KIAA1328: variants seen among roughly 807,000 people sequenced by gnomAD.
KIAA1328 encodes KIAA1328.
A neutral mutation model predicts 68.1 loss-of-function variants in KIAA1328; 52 were observed. The observed-to-expected ratio is 0.76, with a 90% CI of 0.61 to 0.96. The LOEUF is 0.96. KIAA1328 is among the 40% of genes least tolerant of loss of function. The pLI, the probability that KIAA1328 is intolerant of heterozygous loss-of-function variation, is 0.00. For missense variants in KIAA1328, 641 were observed against 677.6 expected (o/e 0.95, Z 0.60); for synonymous variants, 232 against 239.4 (o/e 0.97, Z 0.28).
chr18:37,096,993 G>A (rs1049007606), intron 7 of KIAA1328, among the ~76,000 whole-genome samples: 1 of 151,936 alleles, frequency 6.6e-6, no homozygotes, highest in Non-Finnish European at 1.5e-5. Flanking sequence ...CAGATGAGTA[G>A]ATTGCAAAAA....
At chr18:36,987,864 A>G (rs748999951) in intron 6 of KIAA1328, among the ~76,000 whole-genome samples, 2 of 151,918 alleles carry the variant, frequency 1.3e-5, no homozygotes, top group African/African-American at 2.4e-5. Context: ...AAAGAACTGC[A>G]TATTTTTTCT....
At chr18:36,997,739 C>G (rs2053444553) in intron 6 of KIAA1328, among the ~76,000 whole-genome samples, 1 of 152,130 alleles carries the variant, frequency 6.6e-6, no homozygotes. Flanking sequence ...CTCCTGTAGC[C>G]AGGGCTGTAA....
chr18:37,021,680 G>A (rs1568301562), intron 6 of KIAA1328, among the ~76,000 whole-genome samples: 1 of 151,946 alleles, frequency 6.6e-6, no homozygotes, highest in Non-Finnish European at 1.5e-5. Flanking sequence ...CTCCTCTCTT[G>A]GCTTTGGAAC....
chr18:36,967,462 T>G (rs2051989524), intron 6 of KIAA1328, among the ~76,000 whole-genome samples: 1 of 152,212 alleles, frequency 6.6e-6, no homozygotes, highest in Non-Finnish European at 1.5e-5. Context: ...CCTAGTTGAG[T>G]TGGTCTGGCC....
chr18:37,134,480 A>G (rs569253214), intron 7 of KIAA1328, among the ~76,000 whole-genome samples: 45 of 152,306 alleles, frequency 3.0e-4, no homozygotes, highest in African/African-American at 9.9e-4. Flanking sequence ...TTCCTACAAA[A>G]AAAACTTAGA....
chr18:37,167,023 T>C (rs1486485434), intron 8 of KIAA1328, among the ~76,000 whole-genome samples: 1 of 152,156 alleles, frequency 6.6e-6, no homozygotes. Context: ...TCTCAGACTC[T>C]TCCAAAAAAT....
chr18:36,891,430 A>G (rs544929420), intron 5 of KIAA1328, among the ~76,000 whole-genome samples: 27 of 152,256 alleles, frequency 1.8e-4, no homozygotes, highest in Admixed American at 4.6e-4. Context: ...TGTACCCAGT[A>G]TGTAGTCTTT....
chr18:36,987,493 AAT>A (rs2052983490), intron 6 of KIAA1328, among the ~76,000 whole-genome samples: 7 of 61,096 alleles, frequency 1.1e-4, no homozygotes, highest in Middle Eastern at 0.011. Flanking sequence ...AATAAAAAAA[AAT>A]AAATAAATAA....
intron 6 of KIAA1328, among the ~76,000 whole-genome samples, chr18:37,065,930 A>C (rs939532851): frequency 6.6e-6 from 1 of 152,188 alleles, no homozygotes; most frequent in Non-Finnish European, 1.5e-5. Context: ...TTCCCAGGCC[A>C]AGCTCAACAG....
chr18:37,145,332 T>C (rs1046266098), intron 7 of KIAA1328, among the ~76,000 whole-genome samples: 2 of 152,234 alleles, frequency 1.3e-5, no homozygotes, highest in Non-Finnish European at 2.9e-5. Context: ...TAAGTTTTTA[T>C]TCTTTAGAAA....
At chr18:37,211,705 G>T (rs2060319414) in intron 9 of KIAA1328, among the ~76,000 whole-genome samples, 2 of 152,104 alleles carry the variant, frequency 1.3e-5, no homozygotes, top group African/African-American at 2.4e-5. Context: ...CTATAGTTTG[G>T]TGGGTCATTA....
chr18:36,973,241 G>T (rs886578217), intron 6 of KIAA1328, among the ~76,000 whole-genome samples: 1 of 151,650 alleles, frequency 6.6e-6, no homozygotes, highest in Non-Finnish European at 1.5e-5. Context: ...ACCAAACTCC[G>T]CATGTTCTCA....
chr18:37,079,078 C>G (rs1487996611), intron 7 of KIAA1328, among the ~76,000 whole-genome samples: 4 of 149,954 alleles, frequency 2.7e-5, no homozygotes, highest in African/African-American at 1.0e-4. Flanking sequence ...TTGGAACCAA[C>G]CCAAATGTCC....
chr18:36,869,690 C>A (rs1216566900), intron 4 of KIAA1328, among the ~76,000 whole-genome samples: 1 of 151,918 alleles, frequency 6.6e-6, no homozygotes, highest in Non-Finnish European at 1.5e-5. Flanking sequence ...GCTTCTTAGA[C>A]CTGAAATGAA....
intron 6 of KIAA1328, among the ~76,000 whole-genome samples, chr18:37,010,323 G>A (rs774737332): frequency 5.0e-4 from 75 of 151,454 alleles, no homozygotes; most frequent in Non-Finnish European, 7.5e-4. Context: ...GGCACCTGTA[G>A]TCCCAGCTAC....
At chr18:37,025,184 A>G (rs1416504125) in intron 6 of KIAA1328, among the ~76,000 whole-genome samples, 1 of 152,152 alleles carries the variant, frequency 6.6e-6, no homozygotes, top group Non-Finnish European at 1.5e-5. Flanking sequence ...TATCCTAAAT[A>G]TATATGCACC....
At chr18:37,039,768 A>G (rs962668998) in intron 6 of KIAA1328, among the ~76,000 whole-genome samples, 1 of 152,114 alleles carries the variant, frequency 6.6e-6, no homozygotes, top group Non-Finnish European at 1.5e-5. Context: ...TCATTATATT[A>G]TCTATTAATT....
At chr18:37,184,290 G>A (rs1047920473) in intron 9 of KIAA1328, among the ~76,000 whole-genome samples, 1 of 152,092 alleles carries the variant, frequency 6.6e-6, no homozygotes, top group Non-Finnish European at 1.5e-5. Flanking sequence ...CATTTTGTAA[G>A]GATTAGAAAA....
At chr18:36,857,271 T>G (rs1156754537) in intron 4 of KIAA1328, among the ~76,000 whole-genome samples, 1 of 152,176 alleles carries the variant, frequency 6.6e-6, no homozygotes, top group African/African-American at 2.4e-5. Flanking sequence ...TTCTTCTCTT[T>G]CCTAAACTTT....
Sources: gnomAD v4.1 joint callset for allele counts (sites outside exome capture counted in the v4.1 genomes callset) on GRCh38, gnomAD v4.1.1 for gene constraint, MANE v1.5 for transcripts, NCBI Gene and HGNC (gene_info 2026-07-23, HGNC 2026-07-21) for gene names.